Variants in TMTC1 observed in about 807,000 individuals in gnomAD.
TMTC1 encodes protein O-mannosyl-transferase TMTC1.
TMTC1 carries 73 observed loss-of-function variants against 104.8 expected under a neutral mutation model. That is an observed-to-expected ratio of 0.70 (90% confidence interval 0.58 to 0.85). The LOEUF (loss-of-function observed/expected upper bound fraction) is 0.85, where lower values mean the gene tolerates loss of function less well. TMTC1 is among the 40% of genes least tolerant of loss of function. The probability of loss-of-function intolerance (pLI) is 0.00; values close to 1 mark genes in which losing one functional copy is unlikely to be tolerated. For missense variants in TMTC1, 1,035 were observed against 1,096.1 expected (o/e 0.94, Z 0.79); for synonymous variants, 434 against 428.7 (o/e 1.01, Z -0.15).
At chr12:29,719,385 T>G (rs16934812) in intron 5 of TMTC1, among the ~76,000 whole-genome samples, 18,676 of 152,192 alleles carry the variant, frequency 0.12, 1,309 homozygotes, top group Admixed American at 0.22. Flanking sequence ...CTGGGAATAG[T>G]ACAAAACCCA....
At chr12:29,615,901 C>G (rs923086997) in intron 6 of TMTC1, among the ~76,000 whole-genome samples, 1 of 152,060 alleles carries the variant, frequency 6.6e-6, no homozygotes, top group Non-Finnish European at 1.5e-5. Flanking sequence ...TTAAACATTG[C>G]CCAAAAATGA....
In TMTC1 at chr12:29,517,425, A is replaced by T; in HGVS notation, c.2169+2T>A. On this transcript the variant is annotated splice_donor_variant, in intron 14 of 17. Transcript: ENST00000539277. LOFTEE classifies it high-confidence loss of function. ...AGCTTCATTTTCTTTCATCCTACTC[A>T]CCAGTGCCAAGCGGAGCTCCCTCTG... The T allele has an allele frequency of 6.2e-7, 1 of 1,613,816 alleles. No individual in the cohort carries two copies. The highest frequency in any genetic ancestry group is 1.1e-5 in the South Asian group (1 of 91,066).
chr12:29,690,317 C>T (rs939647958), intron 5 of TMTC1, among the ~76,000 whole-genome samples: 1 of 152,124 alleles, frequency 6.6e-6, no homozygotes, highest in Admixed American at 6.6e-5. Flanking sequence ...ATGTGCTATT[C>T]GCATCTGAAA....
At chr12:29,568,275 A>C (rs1945573276) in intron 9 of TMTC1, among the ~76,000 whole-genome samples, 1 of 152,216 alleles carries the variant, frequency 6.6e-6, no homozygotes, top group African/African-American at 2.4e-5. Flanking sequence ...TGGTCTTGCA[A>C]AGCGATAAAA....
At chr12:29,755,569 C>T (rs1943194453) in intron 4 of TMTC1, 140 bp downstream of exon 4, 1 of 680,770 alleles carries the variant, frequency 1.5e-6, no homozygotes, top group South Asian at 2.3e-5. Context: ...TGAAATAAGC[C>T]TTGTTGATTA....
In TMTC1 at chr12:29,543,291, G is replaced by A. The variant is rs539282507; in HGVS notation, c.1677-6974C>T. ...ATTTAGCAAAAGCAAACAAGGTTTC[G>A]CCACATTTTTCTTTTAGTAATTAAG... is the stretch of plus-strand genomic sequence containing the variant. On this transcript the variant is annotated intron_variant, in intron 10 of 17. Coordinates refer to ENST00000539277, the MANE Select transcript of TMTC1 (RefSeq NM_001193451.2). Among the ~76,000 whole-genome samples, 5 of 152,204 alleles carry A rather than the reference G, an allele frequency of 3.3e-5. No individual in the cohort carries two copies. The South Asian group carries it at 8.3e-4, about 25-fold the overall frequency.
intron 10 of TMTC1, among the ~76,000 whole-genome samples, chr12:29,554,265 A>G (rs1945179981): frequency 6.6e-6 from 1 of 152,050 alleles, no homozygotes; most frequent in African/African-American, 2.4e-5. Context: ...ACACTGTTTG[A>G]TTTGCTATTT....
intron 4 of TMTC1, among the ~76,000 whole-genome samples, chr12:29,753,981 C>T (rs1343642593): frequency 6.6e-6 from 1 of 152,180 alleles, no homozygotes; most frequent in Non-Finnish European, 1.5e-5. Context: ...ATTCTCCTTC[C>T]TCAGCCTCCC....
intron 11 of TMTC1, chr12:29,535,839 G>T: frequency 5.1e-6 from 1 of 197,542 alleles, no homozygotes; most frequent in Non-Finnish European, 1.0e-5. Flanking sequence ...GAATTTGTAG[G>T]ATTATCAAAT....
intron 6 of TMTC1, among the ~76,000 whole-genome samples, chr12:29,632,568 T>G (rs895902683): frequency 2.0e-5 from 3 of 152,202 alleles, no homozygotes; most frequent in African/African-American, 7.2e-5. Context: ...CTGCCCTGAT[T>G]GTAAGTTTCC....
At chr12:29,709,703 C>T (rs1352813671) in intron 5 of TMTC1, among the ~76,000 whole-genome samples, 1 of 152,214 alleles carries the variant, frequency 6.6e-6, no homozygotes, top group East Asian at 1.9e-4. Context: ...TGGTAATGCA[C>T]CAATCACAAC....
chr12:29,642,243 C>A (rs1048441603), intron 5 of TMTC1, among the ~76,000 whole-genome samples: 2 of 152,122 alleles, frequency 1.3e-5, no homozygotes, highest in Non-Finnish European at 2.9e-5. Context: ...ACAAAGAACA[C>A]CGGGAAATTC....
intron 5 of TMTC1, among the ~76,000 whole-genome samples, chr12:29,643,456 A>ATATATATATATATATCACATATATG (rs1565732694): frequency 4.7e-4 from 27 of 57,602 alleles, no homozygotes; most frequent in African/African-American, 2.1e-3. Context: ...TCACATATAT[A>ATATATATATATATATCACATATATG]TGATGGAATA....
intron 11 of TMTC1, among the ~76,000 whole-genome samples, chr12:29,524,910 G>T (rs1276985598): frequency 6.6e-6 from 1 of 152,062 alleles, no homozygotes; most frequent in South Asian, 2.1e-4. Context: ...AGAGGCATAA[G>T]CAAGGAAAAA....
chr12:29,516,087 C>T (rs909199022), intron 15 of TMTC1, among the ~76,000 whole-genome samples: 1 of 151,930 alleles, frequency 6.6e-6, no homozygotes, highest in Non-Finnish European at 1.5e-5. Flanking sequence ...TGGTCTTGAT[C>T]TTTATAGACT....
intron 8 of TMTC1, among the ~76,000 whole-genome samples, chr12:29,573,167 T>C (rs745891157): frequency 1.4e-4 from 21 of 152,108 alleles, no homozygotes; most frequent in African/African-American, 4.8e-5. Context: ...GGAGTATACA[T>C]GGGGACTCAG....
intron 5 of TMTC1, among the ~76,000 whole-genome samples, chr12:29,663,928 A>T (rs1422748426): frequency 6.6e-6 from 1 of 152,146 alleles, no homozygotes; most frequent in Non-Finnish European, 1.5e-5. Context: ...AAGAAGCTAA[A>T]GGCACCAAAT....
At chr12:29,736,556 A>G (rs562015519) in intron 5 of TMTC1, among the ~76,000 whole-genome samples, 74 of 151,856 alleles carry the variant, frequency 4.9e-4, no homozygotes, top group Non-Finnish European at 8.1e-4. Flanking sequence ...AGTAGGGGGG[A>G]TTACAGGTGC....
intron 5 of TMTC1, among the ~76,000 whole-genome samples, chr12:29,694,698 G>C (rs1244518945): frequency 1.2e-4 from 18 of 152,108 alleles, no homozygotes; most frequent in Admixed American, 1.2e-3. Context: ...CCAGTACTTT[G>C]GGAGGCTGAA....
Sources: gnomAD v4.1 joint callset for allele counts (sites outside exome capture counted in the v4.1 genomes callset) on GRCh38, gnomAD v4.1.1 for gene constraint, MANE v1.5 for transcripts, NCBI Gene and HGNC (gene_info 2026-07-23, HGNC 2026-07-21) for gene names.